Variants in GON4L observed in about 807,000 individuals in gnomAD.
GON4L encodes GON-4-like protein.
In GON4L, 87 loss-of-function variants were observed where a neutral mutation model predicts 211.8. The observed-to-expected ratio is 0.41, with a 90% confidence interval of 0.35 to 0.49. GON4L has a LOEUF of 0.49. Among genes scored for constraint, GON4L ranks in the 20% least tolerant of loss-of-function variants. The pLI is 0.15. For synonymous variants in GON4L, 875 were observed against 962.6 expected, an observed-to-expected ratio of 0.91 and a Z score of 1.68; for missense variants, 2,155 against 2,659.5, an observed-to-expected ratio of 0.81 and a Z score of 4.17.
chr1:155,745,466 C>A (rs569700802), downstream of GON4L, among the ~76,000 whole-genome samples: 1 of 152,338 alleles, frequency 6.6e-6, no homozygotes, highest in African/African-American at 2.4e-5. Context: ...TATCAGCCAG[C>A]GGAGAGATCT....
At chr1:155,833,775 G>A (rs1326281250) in intron 2 of GON4L, among the ~76,000 whole-genome samples, 1 of 135,180 alleles carries the variant, frequency 7.4e-6, no homozygotes, top group Non-Finnish European at 1.6e-5. Context: ...AGGAGGGGAG[G>A]AGGGGGATGG....
At chr1:155,778,759 T>C (rs1158076162) in intron 14 of GON4L, among the ~76,000 whole-genome samples, 2 of 152,142 alleles carry the variant, frequency 1.3e-5, no homozygotes, top group Non-Finnish European at 2.9e-5. Flanking sequence ...CCTGTGCCCA[T>C]GTGTTCTCAT....
At chr1:155,834,827 C>A (rs762619862) in intron 2 of GON4L, among the ~76,000 whole-genome samples, 1 of 151,912 alleles carries the variant, frequency 6.6e-6, no homozygotes, top group Non-Finnish European at 1.5e-5. Context: ...TCCGCCCCTT[C>A]GCCTCTGCCC....
chr1:155,774,402 G>A (rs539374466), intron 17 of GON4L, among the ~76,000 whole-genome samples: 2 of 151,252 alleles, frequency 1.3e-5, no homozygotes, highest in Non-Finnish European at 2.9e-5. Flanking sequence ...TCTGCCTCCT[G>A]GGTTCAAGCG....
At chr1:155,752,617 G>A (rs1660717910) in intron 29 of GON4L, 27 bp from the exon 30 acceptor site, 9 of 1,561,650 alleles carry the variant, frequency 5.8e-6, no homozygotes, top group Non-Finnish European at 7.8e-6. Flanking sequence ...GGATCTCAGG[G>A]TACTGTCAGG....
intron 2 of GON4L, chr1:155,831,455 AAATAAATAAAT>A (rs1249084156): frequency 1.1e-4 from 1 of 9,034 alleles, no homozygotes; most frequent in African/African-American, 2.6e-4. Context: ...GTCTCGTTAA[AAATAAATAAAT>A]AAATAAATAA....
chr1:155,816,656 T>C (rs970529139), intron 6 of GON4L, among the ~76,000 whole-genome samples: 4 of 151,360 alleles, frequency 2.6e-5, no homozygotes, highest in African/African-American at 9.7e-5. Context: ...TATATTTTTG[T>C]AATCAGTTAC....
Position 155,750,376 on chromosome 1 carries a change from A to G in GON4L, c.*208T>C, listed in dbSNP as rs1392880730. ...GATGCTATTTACAGAGGACATCTGT[A>G]AAGTCTTCATAAAAGACCTTGAATG... On this transcript the variant is annotated 3_prime_UTR_variant, in exon 32 of 32. Coordinates refer to ENST00000368331, the MANE Select transcript of GON4L (RefSeq NM_001282860.2). The G allele has an allele frequency of 4.6e-6, 3 of 645,164 alleles. No individual in the cohort carries two copies. Among genetic ancestry groups the G allele is most frequent in the Admixed American group, 5.8e-5 (2 of 34,498 alleles). The allele number at this position is 645,164 out of a possible 1,614,324, so 40.0% of individuals were successfully genotyped here. A position where few individuals can be genotyped will look rare whatever the true frequency, so the allele number is the denominator to read the frequency against.
chr1:155,796,458 A>T (rs922887834), intron 11 of GON4L, among the ~76,000 whole-genome samples: 1 of 151,928 alleles, frequency 6.6e-6, no homozygotes, highest in African/African-American at 2.4e-5. Flanking sequence ...TTCTATTTTT[A>T]GTAGAGACAA....
chr1:155,765,738 T>C lies in GON4L; in HGVS notation c.3735A>G (p.Leu1245=). Reference sequence around the variant, plus strand: ...GTTCCTGGGGCTCTAATTTGGGTTCTAGGCCCTGAAAGGCATTTTCCCCAT... The same window carrying C: ...GTTCCTGGGGCTCTAATTTGGGTTCCAGGCCCTGAAAGGCATTTTCCCCAT... The part of the protein sequence containing the change: ...VADGENAFQG[L]EPKLEPQELS... Residue 1245 remains leucine, a synonymous_variant, in exon 21 of 32, where the codon CTA becomes CTG. Coordinates refer to ENST00000368331, the MANE Select transcript of GON4L (RefSeq NM_001282860.2). 4 of 1,614,220 alleles carry C rather than the reference T, an allele frequency of 2.5e-6. No individual in the cohort carries two copies. Among genetic ancestry groups the C allele is most frequent in the Non-Finnish European group, 2.5e-6 (3 of 1,180,030 alleles).
At position 155,826,875 on chromosome 1, in the gene GON4L, T is replaced by C; in HGVS notation, c.659A>G (p.Glu220Gly). 1 of 1,613,556 alleles carries C rather than the reference T, an allele frequency of 6.2e-7. No homozygotes were observed. Among genetic ancestry groups the C allele is most frequent in the Non-Finnish European group, 8.5e-7 (1 of 1,179,486 alleles). ...GAGTCCACCATCTTCTATCTCTTCC[T>C]CAGGTTGGTGAAACAGAGTCCTGAG... ...KPLRTLFHQP[E>G]EEIEDGGLFI... Residue 220 changes from glutamate (E) to glycine (G), a missense_variant, in exon 3 of 32, where the codon GAG (glutamate) becomes GGG (glycine). By Grantham distance (98) the Glu-to-Gly change is moderately conservative. This residue lies in a region of GON4L where 313 missense variants were observed against 293.2 expected (regional missense o/e 1.07). Transcript: ENST00000368331.
chr1:155,856,430 C>G (rs571684825), intron 1 of GON4L, among the ~76,000 whole-genome samples: 1 of 149,256 alleles, frequency 6.7e-6, no homozygotes, highest in Admixed American at 6.7e-5. Flanking sequence ...GAGACGGGGT[C>G]TCGATTTGTT....
intron 10 of GON4L, among the ~76,000 whole-genome samples, chr1:155,806,937 CACAA>C (rs1444848558): frequency 1.3e-5 from 2 of 151,866 alleles, no homozygotes; most frequent in South Asian, 2.1e-4. Context: ...TCATCTCTGC[CACAA>C]ACAAACAAAT....
intron 24 of GON4L, among the ~76,000 whole-genome samples, chr1:155,759,755 G>A (rs975979564): frequency 6.6e-6 from 1 of 151,490 alleles, no homozygotes; most frequent in Admixed American, 6.6e-5. Context: ...GATAAGTCCA[G>A]GACTACTGGG....
At position 155,775,021 on chromosome 1, in the gene GON4L, A is replaced by C; in HGVS notation, c.2331T>G (p.His777Gln). Residue 777 changes from histidine to glutamine, a missense_variant, in exon 17 of 32, where the codon CAT (histidine) becomes CAG (glutamine). By Grantham distance (24) the His-to-Gln change is conservative. Coordinates refer to ENST00000368331, the MANE Select transcript of GON4L (RefSeq NM_001282860.2). Reference protein sequence around the residue: ...STHVSIDCSPHKTVKKTANEF... With the variant: ...STHVSIDCSPQKTVKKTANEF... ...TCCTACCAGTCTTCTTGACAGTTTT[A>C]TGAGGGCTGCAGTCAATGCTGACAT... The C allele has an allele frequency of 6.2e-7, 1 of 1,612,644 alleles. No homozygotes were observed. The highest frequency in any genetic ancestry group is 1.1e-5 in the South Asian group (1 of 91,038).
At chr1:155,778,364 G>A (rs1194783616) in intron 14 of GON4L, among the ~76,000 whole-genome samples, 2 of 152,046 alleles carry the variant, frequency 1.3e-5, no homozygotes, top group East Asian at 1.9e-4. Flanking sequence ...CAATTCTCCT[G>A]CCTCACCCTC....
chr1:155,828,804 T>C (rs1669464078), intron 2 of GON4L, among the ~76,000 whole-genome samples: 1 of 112,694 alleles, frequency 8.9e-6, no homozygotes, highest in Admixed American at 1.0e-4. Flanking sequence ...AGAGACTCTG[T>C]CTCAAAAAAA....
chr1:155,852,489 T>TC (rs1671882767), intron 2 of GON4L, among the ~76,000 whole-genome samples: 1 of 151,948 alleles, frequency 6.6e-6, no homozygotes, highest in Non-Finnish European at 1.5e-5. Context: ...ACGCTTGTAA[T>TC]CCAGCACTTT....
intron 2 of GON4L, among the ~76,000 whole-genome samples, chr1:155,829,225 T>TA (rs1669516128): frequency 1.3e-5 from 2 of 150,594 alleles, no homozygotes; most frequent in African/African-American, 5.0e-5. Context: ...AATTTCCACT[T>TA]ATGCTTCTCC....
Sources: allele counts gnomAD v4.1 joint callset (sites outside exome capture counted in the v4.1 genomes callset), GRCh38; gene constraint gnomAD v4.1.1; regional missense constraint gnomAD v4.1.1; transcripts MANE v1.5; gene names NCBI Gene and HGNC (gene_info 2026-07-23, HGNC 2026-07-21).